MUC6: variants seen among roughly 807,000 people sequenced by gnomAD.
The protein encoded by MUC6 is mucin 6, oligomeric mucus/gel-forming (gene/pseudogene).
A neutral mutation model predicts 201.5 loss-of-function variants in MUC6; 188 were observed. The observed-to-expected ratio is 0.93, with a 90% CI of 0.83 to 1.05. The LOEUF is 1.05. MUC6 is among the 50% of genes least tolerant of loss of function. The probability of loss-of-function intolerance (pLI) is 0.00; values close to 1 mark genes in which losing one functional copy is unlikely to be tolerated. For missense variants in MUC6, 2,706 were observed against 3,256.9 expected (o/e 0.83, Z 4.12); for synonymous variants, 1,228 against 1,389.4 (o/e 0.88, Z 2.58).
chr11:1,015,832 G>A lies in MUC6; in HGVS notation c.6969C>T (p.Leu2323=), dbSNP rs372331227. 1 of 1,587,328 alleles carries A rather than the reference G, an allele frequency of 6.3e-7. No individual in the cohort carries two copies. The highest frequency in any genetic ancestry group is 1.3e-5 in the African/African-American group (1 of 74,420). ...SPTTRFLTSS[L]TAHGSTPASA... ...AAGCAGGGGTGCTTCCATGGGCAGT[G>A]AGGGAGCTGGTCAGGAACCGTGTGG... is the stretch of plus-strand genomic sequence containing the variant. The change falls in exon 31 of 33, where the codon CTC becomes CTT. Residue 2323 remains leucine, a synonymous_variant. Transcript: ENST00000421673.
intron 4 of MUC6, 120 bp from the exon 5 acceptor site, chr11:1,031,379 C>A: frequency 8.5e-7 from 1 of 1,179,704 alleles, no homozygotes. Context: ...TGCTCATCTG[C>A]CTCTTCTTAT....
intron 24 of MUC6, among the ~76,000 whole-genome samples, chr11:1,024,395 C>A (rs982826177): frequency 6.6e-6 from 1 of 152,250 alleles, no homozygotes; most frequent in Non-Finnish European, 1.5e-5. Context: ...CTGCTCCCCC[C>A]ACGTCACGCT....
At chr11:1,030,920 A>C in intron 6 of MUC6, 27 bp downstream of exon 6, 1 of 1,549,098 alleles carries the variant, frequency 6.5e-7, no homozygotes, top group Non-Finnish European at 8.7e-7. Flanking sequence ...ACCTGGGGTC[A>C]GCCCCACCTG....
intron 28 of MUC6, 33 bp downstream of exon 28, chr11:1,020,651 C>G (rs760387349): frequency 6.2e-7 from 1 of 1,613,434 alleles, no homozygotes; most frequent in South Asian, 1.1e-5. Flanking sequence ...AAAGGGCCTG[C>G]GTCACCTTGG....
chr11:1,018,832 G>A, intron 30 of MUC6, 62 bp from the exon 31 acceptor site: 1 of 1,514,188 alleles, frequency 6.6e-7, no homozygotes, highest in Non-Finnish European at 8.8e-7. Flanking sequence ...GACCTCCGCT[G>A]GCCCGTCCTT....
At chr11:1,024,726 C>T (rs956004197) in intron 24 of MUC6, 118 bp downstream of exon 24, 18 of 1,449,422 alleles carry the variant, frequency 1.2e-5, no homozygotes, top group East Asian at 2.5e-5. Context: ...TGCACCCTGA[C>T]CTGGCTGGTC....
Position 1,031,570 on chromosome 11 carries a change from C to G in MUC6, c.483+37G>C, listed in dbSNP as rs181411452. On this transcript the variant is annotated intron_variant, in intron 4 of 32. Transcript: ENST00000421673. ...AAGTCCCACCTGCCCCCCCGTGCTG[C>G]GGGTCTCCAGGCCCACCCTGGCCCT... The G allele has an allele frequency of 4.5e-6, 7 of 1,538,702 alleles. No individual in the cohort carries two copies. The African/African-American group carries it at 9.6e-5, about 21-fold the overall frequency.
chr11:1,026,186 C>A, intron 20 of MUC6, 45 bp from the exon 21 acceptor site: 1 of 1,563,290 alleles, frequency 6.4e-7, no homozygotes, highest in Non-Finnish European at 8.7e-7. Flanking sequence ...GGCCCTCCTG[C>A]CATACTGGGT....
In MUC6 at chr11:1,031,815, G is replaced by C. The variant is rs781752820; in HGVS notation, c.354C>G (p.Ile118Met). Residue 118 changes from isoleucine to methionine, a missense_variant and splice_region_variant, in exon 3 of 33, where the codon ATC (isoleucine) becomes ATG (methionine). Physicochemically the swap from Ile to Met is conservative, Grantham distance 10. Coordinates refer to ENST00000421673, the MANE Select transcript of MUC6 (RefSeq NM_005961.3). The stretch of plus-strand genomic sequence containing the variant: ...GGGCCCCGGCCCACCTGACCTACCC[G>C]ATGTCCTTGACTGAGATGATGGCTT... Reference protein sequence around the residue: ...VSEAIISVKDIGVISLPYTSN... With the variant: ...VSEAIISVKDMGVISLPYTSN... 24 of 1,602,506 alleles carry C rather than the reference G, an allele frequency of 1.5e-5. No individual in the cohort carries two copies. Among genetic ancestry groups the C allele is most frequent in the Non-Finnish European group, 2.0e-5 (24 of 1,175,578 alleles).
rs1201166750 is a variant in MUC6, at chr11:1,025,295, T to G, written c.2872A>C (p.Thr958Pro). 6.2e-7 allele frequency: 1 copy of G among 1,612,680 alleles called. No homozygotes were observed. The highest frequency in any genetic ancestry group is 8.5e-7 in the Non-Finnish European group (1 of 1,179,812). ...ACGACAAGGCTCAGCGCACCCGGCG[T>G]CACCCCGAGCTGCACGTGGGGCTCC... ...GEEPHVQLGV[T>P]PGALSLVVDI... The change falls in exon 23 of 33, where the codon ACG (threonine) becomes CCG (proline). Residue 958 changes from threonine to proline, a missense_variant. By Grantham distance (38) the Thr-to-Pro change is conservative. Transcript: ENST00000421673.
At position 1,024,937 on chromosome 11, in the gene MUC6, T is replaced by C. The variant is rs1856915989; in HGVS notation, c.3132A>G (p.Thr1044=). The C allele has an allele frequency of 1.9e-6, 3 of 1,613,008 alleles. No individual in the cohort carries two copies. The East Asian group carries it at 6.7e-5, about 36-fold the overall frequency. ...GGAAGGCATTGAGACTGCAGGGGTC[T>C]GTCACGAAGCTCACGTCCCCGCACA... is the stretch of plus-strand genomic sequence containing the variant. The part of the protein sequence containing the change: ...SPLCGDVSFV[T]DPCSLNAFRR... The change falls in exon 24 of 33, where the codon ACA becomes ACG. Residue 1044 remains threonine (T), a synonymous_variant. Coordinates refer to ENST00000421673, the MANE Select transcript of MUC6 (RefSeq NM_005961.3).
chr11:1,021,753 C>T (rs1283255866), intron 26 of MUC6, among the ~76,000 whole-genome samples: 1 of 152,038 alleles, frequency 6.6e-6, no homozygotes, highest in Non-Finnish European at 1.5e-5. Flanking sequence ...GCTTCGGTGC[C>T]ATCTTCCAGT....
rs770478474 is a variant in MUC6 at position 1,013,947 on chromosome 11, G to T, written c.7094C>A (p.Ala2365Glu). ...CTCACAGCGGGTTACCGTCACGTTCGCCATGCACCCCTTGAACGTGATCTC... is the reference window on the plus strand; with the variant it reads ...CTCACAGCGGGTTACCGTCACGTTCTCCATGCACCCCTTGAACGTGATCTC... Reference protein sequence around the residue: ...QEEITFKGCMANVTVTRCEGA... With the variant: ...QEEITFKGCMENVTVTRCEGA... Residue 2365 changes from alanine to glutamate, a missense_variant, in exon 32 of 33, where the codon GCG (alanine) becomes GAG (glutamate). Ala to Glu is a moderately radical substitution (Grantham distance 107). Around this residue, in one of 10 missense-constraint regions of MUC6, gnomAD observed 586 missense variants for 488.0 expected, o/e 1.20. Coordinates refer to ENST00000421673, the MANE Select transcript of MUC6 (RefSeq NM_005961.3). 6 of 1,609,144 alleles carry T rather than the reference G, an allele frequency of 3.7e-6. No individual in the cohort carries two copies. The Admixed American group carries it at 8.4e-5, about 23-fold the overall frequency.
rs1031674522 is a variant in MUC6 at position 1,031,001 on chromosome 11, G to C, written c.630C>G (p.Gly210=). The C allele has an allele frequency of 4.0e-5, 64 of 1,583,374 alleles. No individual in the cohort carries two copies. The highest frequency in any genetic ancestry group is 5.4e-5 in the Non-Finnish European group (63 of 1,166,508). ...GGATGTCCTGGAAGGTGCAGATCTC[G>C]CCGGGGTCGTCCAGCTTCTGGAGGG... ...FAALQKLDDP[G]EICTFQDIPS... The change falls in exon 6 of 33, where the codon GGC becomes GGG. Residue 210 remains glycine, a synonymous_variant. Coordinates refer to ENST00000421673, the MANE Select transcript of MUC6 (RefSeq NM_005961.3).
At chr11:1,024,685 C>T (rs1407401405) in intron 24 of MUC6, among the ~76,000 whole-genome samples, 159 bp downstream of exon 24, 1 of 152,180 alleles carries the variant, frequency 6.6e-6, no homozygotes, top group African/African-American at 2.4e-5. Flanking sequence ...ACATCAGGGC[C>T]CTGCACTCAG....
At position 1,020,076 on chromosome 11, in the gene MUC6, T is replaced by C. The variant is rs1856772861; in HGVS notation, c.3808+14A>G. On this transcript the variant is annotated intron_variant, in intron 29 of 32. Coordinates refer to ENST00000421673, the MANE Select transcript of MUC6 (RefSeq NM_005961.3). ...CAGCTGCCCTCTCCATGGGCTCAGC[T>C]GGAGGCTCCTTACCTCCCGAGGAGG... 1.9e-6 allele frequency: 3 copies of C among 1,612,638 alleles called. No homozygotes were observed. The highest frequency in any genetic ancestry group is 2.2e-5 in the East Asian group (1 of 44,888).
intron 22 of MUC6, 24 bp downstream of exon 22, chr11:1,025,781 G>A (rs779650623): frequency 1.1e-5 from 17 of 1,594,756 alleles, no homozygotes; most frequent in Non-Finnish European, 1.4e-5. Flanking sequence ...GTCCTGCCCT[G>A]CCAGAGTCTG....
chr11:1,034,903 T>C (rs1383718627), intron 1 of MUC6, among the ~76,000 whole-genome samples: 3 of 152,304 alleles, frequency 2.0e-5, no homozygotes, highest in African/African-American at 7.2e-5. Context: ...CCAAGTCGGC[T>C]GCCTCCAGCT....
At chr11:1,025,126 C>T (rs1181805717) in intron 23 of MUC6, 43 bp from the exon 24 acceptor site, 1 of 1,610,894 alleles carries the variant, frequency 6.2e-7, no homozygotes, top group South Asian at 1.1e-5. Flanking sequence ...GCCGTGCCAT[C>T]TGTCTCCACC....
Sources: allele counts gnomAD v4.1 joint callset (sites outside exome capture counted in the v4.1 genomes callset), GRCh38; gene constraint gnomAD v4.1.1; regional missense constraint gnomAD v4.1.1; transcripts MANE v1.5; gene names NCBI Gene and HGNC (gene_info 2026-07-23, HGNC 2026-07-21).